Variants in RNF220 observed in about 807,000 individuals in gnomAD.
RNF220 encodes ring finger protein 220.
In RNF220, 7 loss-of-function variants were observed where a neutral mutation model predicts 67.1. That is an observed-to-expected ratio of 0.10 (90% CI 0.06 to 0.20). The LOEUF (loss-of-function observed/expected upper bound fraction) is 0.20, where lower values mean the gene tolerates loss of function less well. Ranked by LOEUF, RNF220 falls within the 10% of genes least tolerant of loss-of-function variation. The pLI is 1.00. For missense variants in RNF220, 565 were observed against 740.3 expected (o/e 0.76, Z 2.75); for synonymous variants, 270 against 283.2 (o/e 0.95, Z 0.47).
At chr1:44,607,927 T>C (rs1482283426) in intron 2 of RNF220, among the ~76,000 whole-genome samples, 1 of 33,202 alleles carries the variant, frequency 3.0e-5, no homozygotes, top group African/African-American at 1.5e-4. Flanking sequence ...TCTGTGTACT[T>C]TTTTTTTTTT....
intron 2 of RNF220, among the ~76,000 whole-genome samples, chr1:44,612,369 A>G (rs1643350252): frequency 6.6e-6 from 1 of 152,222 alleles, no homozygotes; most frequent in African/African-American, 2.4e-5. Flanking sequence ...GGAACTCACA[A>G]CTTATTCATT....
At chr1:44,609,616 T>C (rs934259613) in intron 2 of RNF220, among the ~76,000 whole-genome samples, 21 of 152,250 alleles carry the variant, frequency 1.4e-4, no homozygotes, top group African/African-American at 5.1e-4. Flanking sequence ...TGGTCAACCA[T>C]TCCCAACAGA....
chr1:44,514,574 TCTC>T (rs1488679203), intron 2 of RNF220, among the ~76,000 whole-genome samples: 1 of 152,156 alleles, frequency 6.6e-6, no homozygotes, highest in African/African-American at 2.4e-5. Context: ...GTTGAAACGA[TCTC>T]CTCTTCCGGC....
intron 2 of RNF220, among the ~76,000 whole-genome samples, chr1:44,579,329 C>T (rs745924546): frequency 5.9e-5 from 9 of 152,096 alleles, no homozygotes; most frequent in Admixed American, 1.3e-4. Flanking sequence ...CCCAGACTAC[C>T]GAGGAGTCTG....
intron 2 of RNF220, among the ~76,000 whole-genome samples, chr1:44,425,247 T>C (rs1023693320): frequency 1.3e-5 from 2 of 152,044 alleles, no homozygotes; most frequent in African/African-American, 2.4e-5. Flanking sequence ...ATGGTATTTT[T>C]CCCCCAACAT....
At position 44,611,250 on chromosome 1, in the gene RNF220, G is replaced by A. The variant is rs772516580; in HGVS notation, c.626-2915G>A. ...ATGCTATTCCTGAAGCTTGGAGGCA[G>A]GAAGAGGGCCTGTTGTCCTGATAGG... On this transcript the variant is annotated intron_variant, in intron 2 of 14. Coordinates refer to ENST00000361799, the MANE Select transcript of RNF220 (RefSeq NM_018150.4). Among the ~76,000 whole-genome samples, 11 of 152,236 alleles carry A rather than the reference G, an allele frequency of 7.2e-5. No homozygotes were observed. The East Asian group carries it at 2.1e-3, about 29-fold the overall frequency.
chr1:44,472,554 T>C lies in RNF220; in HGVS notation c.625+59832T>C, dbSNP rs563630643. Among the ~76,000 whole-genome samples, 294 of 152,326 alleles carry C rather than the reference T, an allele frequency of 1.9e-3. 1 individual carries two copies. The highest frequency in any genetic ancestry group is 2.3e-3 in the Non-Finnish European group (158 of 68,034). On this transcript the variant is annotated intron_variant, in intron 2 of 14. Coordinates refer to ENST00000361799, the MANE Select transcript of RNF220 (RefSeq NM_018150.4). ...TATCTTCTTTGAATGTAGAGTCTTT[T>C]TGAAAGGCAATCTCATCAGGTTGCT...
In RNF220 at chr1:44,405,394, T is replaced by TGCC. The variant is rs984862980; in HGVS notation, c.-251_-249dup. 4 of 628,700 alleles carry TGCC rather than the reference T, an allele frequency of 6.4e-6. No individual in the cohort carries two copies. The highest frequency in any genetic ancestry group is 4.8e-5 in the Admixed American group (2 of 41,508). The allele number at this position is 628,700 out of a possible 1,614,324, so 38.9% of individuals were successfully genotyped here. On this transcript the variant is annotated 5_prime_UTR_variant, in exon 1 of 15. Coordinates refer to ENST00000361799, the MANE Select transcript of RNF220 (RefSeq NM_018150.4). ...AGCCGCCTACTGCTGCTGCTGCTGC[T>TGCC]GCCGCTGCCGCCGCCGCCGCCGCCG...
At position 44,586,014 on chromosome 1, in the gene RNF220, C is replaced by T. The variant is rs554690795; in HGVS notation, c.626-28151C>T. On this transcript the variant is annotated intron_variant, in intron 2 of 14. Coordinates refer to ENST00000361799, the MANE Select transcript of RNF220 (RefSeq NM_018150.4). ...CCCTGTTCTTCCTGCCTCCCACCTC[C>T]ACCCCCATTGCCCTGTGCTATTTGG... 5.9e-5 allele frequency among the ~76,000 whole-genome samples: 9 copies of T among 152,276 alleles called. No individual in the cohort carries two copies. The South Asian group carries it at 1.9e-3, about 32-fold the overall frequency.
intron 2 of RNF220, among the ~76,000 whole-genome samples, chr1:44,477,630 G>A (rs959576080): frequency 6.6e-6 from 1 of 152,164 alleles, no homozygotes; most frequent in Non-Finnish European, 1.5e-5. Flanking sequence ...TCTGATCTAA[G>A]CTCAGCTTGG....
At chr1:44,619,514 C>T (rs186700059) in intron 3 of RNF220, among the ~76,000 whole-genome samples, 8 of 152,316 alleles carry the variant, frequency 5.3e-5, no homozygotes, top group Admixed American at 2.6e-4. Context: ...GGTTTATTCC[C>T]GGGCAGTGCA....
intron 2 of RNF220, among the ~76,000 whole-genome samples, chr1:44,460,906 C>T (rs753833840): frequency 6.6e-6 from 1 of 152,148 alleles, no homozygotes; most frequent in Non-Finnish European, 1.5e-5. Context: ...AGGGGTCTGC[C>T]GCTGCTGAGG....
chr1:44,513,543 T>A (rs1053671285), intron 2 of RNF220, among the ~76,000 whole-genome samples: 2 of 152,084 alleles, frequency 1.3e-5, no homozygotes, highest in Non-Finnish European at 2.9e-5. Flanking sequence ...GAGTGCAGAT[T>A]ATAGGCCTGT....
intron 2 of RNF220, among the ~76,000 whole-genome samples, chr1:44,522,767 A>T (rs1660044156): frequency 6.6e-6 from 1 of 152,202 alleles, no homozygotes; most frequent in Admixed American, 6.5e-5. Context: ...ACTCGATCTT[A>T]GTTTATAATT....
chr1:44,620,290 A>C (rs1213987964), intron 3 of RNF220, among the ~76,000 whole-genome samples: 1 of 152,230 alleles, frequency 6.6e-6, no homozygotes, highest in Non-Finnish European at 1.5e-5. Flanking sequence ...CAATGAGATA[A>C]CACATGTTAA....
At chr1:44,451,811 G>A (rs751577988) in intron 2 of RNF220, among the ~76,000 whole-genome samples, 1 of 151,956 alleles carries the variant, frequency 6.6e-6, no homozygotes, top group Non-Finnish European at 1.5e-5. Flanking sequence ...GGTACAGATG[G>A]GGTTTCACCA....
chr1:44,419,117 TAAAG>T (rs993785476), intron 2 of RNF220, among the ~76,000 whole-genome samples: 3 of 152,226 alleles, frequency 2.0e-5, no homozygotes, highest in African/African-American at 7.2e-5. Flanking sequence ...TATCCCGTCT[TAAAG>T]AGAGATGAAC....
intron 2 of RNF220, among the ~76,000 whole-genome samples, chr1:44,589,874 C>T (rs1665991537): frequency 6.6e-6 from 1 of 152,094 alleles, no homozygotes; most frequent in African/African-American, 2.4e-5. Flanking sequence ...TCAAGGTGCT[C>T]GTGGTCTGGG....
Position 44,605,030 on chromosome 1 carries a change from GGT to G in RNF220, c.626-9133_626-9132del, listed in dbSNP as rs566111648. ...AAAAGCATATATAGGGGCCGGGCGC[GGT>G]GGCTCATGCCTGTAATCCCAGCACT... On this transcript the variant is annotated intron_variant, in intron 2 of 14. Coordinates refer to ENST00000361799, the MANE Select transcript of RNF220 (RefSeq NM_018150.4). Among the ~76,000 whole-genome samples the G allele has an allele frequency of 1.7e-4, 26 of 152,260 alleles. No homozygotes were observed. The South Asian group carries it at 5.2e-3, about 30-fold the overall frequency.
Sources: allele counts gnomAD v4.1 joint callset (sites outside exome capture counted in the v4.1 genomes callset), GRCh38; gene constraint gnomAD v4.1.1; transcripts MANE v1.5; gene names NCBI Gene and HGNC (gene_info 2026-07-23, HGNC 2026-07-21).